SLC2A13: variants seen among roughly 807,000 people sequenced by gnomAD.
The protein encoded by SLC2A13 is proton myo-inositol cotransporter.
A neutral mutation model predicts 64.4 loss-of-function variants in SLC2A13; 32 were observed. The observed-to-expected ratio is 0.50, with a 90% CI of 0.37 to 0.67. SLC2A13 has a LOEUF of 0.67. SLC2A13 is among the 30% of genes least tolerant of loss of function. The pLI, the probability that SLC2A13 is intolerant of heterozygous loss-of-function variation, is 0.00. For missense variants in SLC2A13, 743 were observed against 829.2 expected, an observed-to-expected ratio of 0.90 and a Z score of 1.28; for synonymous variants, 338 against 327.1, an observed-to-expected ratio of 1.03 and a Z score of -0.36.
chr12:39,866,820 T>C (rs1467135994), intron 5 of SLC2A13, among the ~76,000 whole-genome samples: 2 of 152,190 alleles, frequency 1.3e-5, no homozygotes, highest in Non-Finnish European at 2.9e-5. Context: ...TATTATGCTA[T>C]GATTATTATT....
intron 6 of SLC2A13, among the ~76,000 whole-genome samples, chr12:39,837,771 C>G (rs1417294430): frequency 6.6e-6 from 1 of 152,008 alleles, no homozygotes; most frequent in Non-Finnish European, 1.5e-5. Flanking sequence ...CAGAGAAATG[C>G]AAATCAAAAC....
chr12:39,978,933 T>A (rs1344773499), intron 3 of SLC2A13, among the ~76,000 whole-genome samples: 1 of 148,942 alleles, frequency 6.7e-6, no homozygotes, highest in East Asian at 2.0e-4. Context: ...GTCTGACAGC[T>A]TTGAAGAGAG....
chr12:39,996,432 A>T (rs1353707105), intron 3 of SLC2A13, among the ~76,000 whole-genome samples: 1 of 152,266 alleles, frequency 6.6e-6, no homozygotes, highest in Non-Finnish European at 1.5e-5. Context: ...GGAGAAATCC[A>T]AGCCAGCTGC....
Position 40,050,043 on chromosome 12 carries a change from G to A in SLC2A13, c.557-1833C>T, listed in dbSNP as rs557932874. The stretch of plus-strand genomic sequence containing the variant: ...AAGCAGCTGAAGTTTCCATTTGACT[G>A]CTAATCAATTTAATAACACAGACCA... On this transcript the variant is annotated intron_variant, in intron 1 of 9. Transcript: ENST00000280871. 2.0e-5 allele frequency among the ~76,000 whole-genome samples: 3 copies of A among 152,244 alleles called. No individual in the cohort carries two copies. The South Asian group carries it at 6.2e-4, about 32-fold the overall frequency.
chr12:39,971,125 T>C (rs1340025051), intron 3 of SLC2A13, among the ~76,000 whole-genome samples: 5 of 152,148 alleles, frequency 3.3e-5, no homozygotes, highest in African/African-American at 7.2e-5. Context: ...TATTTTATAA[T>C]TTATATTTAT....
intron 7 of SLC2A13, among the ~76,000 whole-genome samples, chr12:39,779,226 T>C (rs1346803492): frequency 6.6e-6 from 1 of 152,176 alleles, no homozygotes; most frequent in Non-Finnish European, 1.5e-5. Context: ...CTGGACCTCA[T>C]TTGAGTTATC....
intron 6 of SLC2A13, among the ~76,000 whole-genome samples, chr12:39,846,348 T>C (rs1244424565): frequency 6.6e-6 from 1 of 152,206 alleles, no homozygotes; most frequent in Non-Finnish European, 1.5e-5. Context: ...AATTTCAAAA[T>C]GAAGAGGGTA....
intron 7 of SLC2A13, among the ~76,000 whole-genome samples, chr12:39,826,488 C>T (rs1290291318): frequency 6.7e-6 from 1 of 148,182 alleles, no homozygotes; most frequent in African/African-American, 2.5e-5. Context: ...TCTTACTATA[C>T]TTTGAGTCTC....
intron 4 of SLC2A13, chr12:39,950,827 A>G (rs1173779784): frequency 6.0e-6 from 1 of 167,558 alleles, no homozygotes; most frequent in South Asian, 2.0e-4. Flanking sequence ...TACTTCTACT[A>G]ATGTCCTTAT....
In SLC2A13 at chr12:39,858,609, TTTTG is replaced by T. The variant is rs758253768; in HGVS notation, c.1319+6149_1319+6152del. 1.2e-4 allele frequency among the ~76,000 whole-genome samples: 18 copies of T among 152,252 alleles called. No individual in the cohort carries two copies. The East Asian group carries it at 1.7e-3, about 15-fold the overall frequency. On this transcript the variant is annotated intron_variant, in intron 6 of 9. Coordinates refer to ENST00000280871, the MANE Select transcript of SLC2A13 (RefSeq NM_052885.4). ...GCTAATAGGGTTTTTACACATTTCT[TTTTG>T]TTTGTTTGTTTGAGATGGAGTCTTG...
At chr12:39,832,562 T>G (rs1384715198) in intron 6 of SLC2A13, among the ~76,000 whole-genome samples, 4 of 152,192 alleles carry the variant, frequency 2.6e-5, no homozygotes, top group African/African-American at 9.6e-5. Context: ...CTTTTCCTGC[T>G]TGCTTATTAA....
In SLC2A13 at chr12:39,820,717, TTATATATATATATATATATA is replaced by T. The variant is rs11272834; in HGVS notation, c.1445+9366_1445+9385del. Among the ~76,000 whole-genome samples the T allele has an allele frequency of 2.0e-3, 261 of 132,682 alleles. 2 individuals carry two copies. Among genetic ancestry groups the T allele is most frequent in the East Asian group, 8.1e-3 (38 of 4,684 alleles). The allele number at this position is 132,682 out of a possible 152,430, so 87.0% of individuals were successfully genotyped here. A position where few individuals can be genotyped will look rare whatever the true frequency, so the allele number is the denominator to read the frequency against. ...TAATCTTCGGCTTAAATTTTTAAATTTATATATATATATATATATATATATATATATATATATATATATAT... is the reference window on the plus strand; with the variant it reads ...TAATCTTCGGCTTAAATTTTTAAATTTATATATATATATATATATATATAT... On this transcript the variant is annotated intron_variant, in intron 7 of 9. Coordinates refer to ENST00000280871, the MANE Select transcript of SLC2A13 (RefSeq NM_052885.4).
intron 3 of SLC2A13, among the ~76,000 whole-genome samples, chr12:39,980,982 C>A (rs1946882210): frequency 6.6e-6 from 1 of 151,810 alleles, no homozygotes; most frequent in South Asian, 2.1e-4. Flanking sequence ...ATCTCTCAGA[C>A]CACAGTGCAA....
rs551465715 is a variant in SLC2A13, at chr12:39,759,301, A to T, written c.*725T>A. Reference sequence around the variant, plus strand: ...GGTACTTCTCAAAACTTCCTAGCTCATCTGCGCAAATGTATGCCTTATCAC... The same window carrying T: ...GGTACTTCTCAAAACTTCCTAGCTCTTCTGCGCAAATGTATGCCTTATCAC... On this transcript the variant is annotated 3_prime_UTR_variant, in exon 10 of 10. Transcript: ENST00000280871. 2.0e-5 allele frequency: 3 copies of T among 152,296 alleles called. No individual in the cohort carries two copies. The South Asian group carries it at 6.2e-4, about 32-fold the overall frequency. The allele number at this position is 152,296 out of a possible 1,614,324, so 9.4% of individuals were successfully genotyped here. A position where few individuals can be genotyped will look rare whatever the true frequency, so the allele number is the denominator to read the frequency against.
chr12:39,779,238 A>T (rs1940888471), intron 7 of SLC2A13, among the ~76,000 whole-genome samples: 2 of 152,254 alleles, frequency 1.3e-5, no homozygotes, highest in South Asian at 4.1e-4. Flanking sequence ...TGAGTTATCC[A>T]TAAAATGAGT....
intron 4 of SLC2A13, among the ~76,000 whole-genome samples, chr12:39,931,892 T>C (rs940573860): frequency 2.6e-5 from 4 of 152,060 alleles, no homozygotes; most frequent in African/African-American, 9.7e-5. Flanking sequence ...ATTATAATTT[T>C]AATTCATTTT....
intron 4 of SLC2A13, among the ~76,000 whole-genome samples, chr12:39,916,268 C>A (rs947462487): frequency 5.3e-5 from 8 of 151,974 alleles, no homozygotes; most frequent in Admixed American, 4.6e-4. Flanking sequence ...TAATCAGGTG[C>A]TAAAATGTAT....
chr12:39,945,431 T>C (rs1946116844), intron 4 of SLC2A13, among the ~76,000 whole-genome samples: 1 of 152,166 alleles, frequency 6.6e-6, no homozygotes, highest in Non-Finnish European at 1.5e-5. Flanking sequence ...TTTTCCTCGA[T>C]TATTCCCCCA....
intron 4 of SLC2A13, among the ~76,000 whole-genome samples, chr12:39,929,515 C>T (rs181117234): frequency 6.6e-6 from 1 of 151,530 alleles, no homozygotes; most frequent in East Asian, 2.0e-4. Context: ...CGAGCCATTG[C>T]ACTCCAGCCT....
Sources: gnomAD v4.1 joint callset for allele counts (sites outside exome capture counted in the v4.1 genomes callset) on GRCh38, gnomAD v4.1.1 for gene constraint, MANE v1.5 for transcripts, NCBI Gene and HGNC (gene_info 2026-07-23, HGNC 2026-07-21) for gene names.